Variants in SEM1 observed in about 807,000 individuals in gnomAD.
SEM1 encodes 26S proteasome complex subunit SEM1.
A neutral mutation model predicts 12.7 loss-of-function variants in SEM1; 3 were observed. The observed-to-expected ratio is 0.24, with a 90% CI of 0.11 to 0.61. The LOEUF (loss-of-function observed/expected upper bound fraction) is 0.61. Ranked by LOEUF, SEM1 falls within the 20% of genes least tolerant of loss-of-function variation. SEM1 has a pLI of 0.88. For missense variants in SEM1, 59 were observed against 81.3 expected, an observed-to-expected ratio of 0.73 and a Z score of 1.06; for synonymous variants, 30 against 27.8, an observed-to-expected ratio of 1.08 and a Z score of -0.25.
chr7:96,488,992 G>C (rs1164176664), intron 1 of SEM1, among the ~76,000 whole-genome samples: 1 of 152,128 alleles, frequency 6.6e-6, no homozygotes, highest in East Asian at 1.9e-4. Context: ...CAATCTTAAT[G>C]TAGAGTCTGG....
intron 2 of SEM1, among the ~76,000 whole-genome samples, chr7:96,544,634 AC>A (rs1805052548): frequency 6.6e-6 from 1 of 151,996 alleles, no homozygotes; most frequent in African/African-American, 2.4e-5. Context: ...TCCACACATA[AC>A]TTTTGACCCT....
chr7:96,610,037 T>C (rs1036203002), intron 2 of SEM1, among the ~76,000 whole-genome samples: 2 of 151,764 alleles, frequency 1.3e-5, no homozygotes, highest in African/African-American at 4.8e-5. Flanking sequence ...AATTGTGAAA[T>C]TGAGAAAGAA....
chr7:96,663,074 T>C (rs1789061464), intron 2 of SEM1, among the ~76,000 whole-genome samples: 1 of 151,812 alleles, frequency 6.6e-6, no homozygotes, highest in South Asian at 2.1e-4. Context: ...TAAGAAAGAC[T>C]CTATTAGAGA....
intron 3 of SEM1, chr7:96,484,767 C>G (rs1167491812): frequency 9.0e-7 from 1 of 1,106,232 alleles, no homozygotes; most frequent in Non-Finnish European, 1.2e-6. Context: ...CCTTAAAAAT[C>G]CTCTCACCAT....
rs536016336 is a variant in SEM1, at chr7:96,565,750, G to A, written c.171-59052C>T. Among the ~76,000 whole-genome samples the A allele has an allele frequency of 2.6e-5, 4 of 151,916 alleles. No individual in the cohort carries two copies. In the South Asian group the frequency reaches 8.3e-4, roughly 32 times the overall value. Reference sequence around the variant, plus strand: ...TTAAAACCCTAGCTCTGTCAGAGATGCTTGTTAAAAACAAAGGTGTCACAA... The same window carrying A: ...TTAAAACCCTAGCTCTGTCAGAGATACTTGTTAAAAACAAAGGTGTCACAA... On this transcript the variant is annotated intron_variant and NMD_transcript_variant, in intron 2 of 3. Transcript: ENST00000466986.
chr7:96,500,923 T>C (rs1402878181), upstream of SEM1, among the ~76,000 whole-genome samples: 3 of 152,148 alleles, frequency 2.0e-5, no homozygotes. Context: ...CTGGATCTTG[T>C]TCTTACTCCT....
chr7:96,693,668 G>A (rs1343498251), intron 2 of SEM1, among the ~76,000 whole-genome samples: 2 of 151,876 alleles, frequency 1.3e-5, no homozygotes, highest in East Asian at 3.8e-4. Flanking sequence ...GAACGCTAGT[G>A]AGAACATAAA....
intron 2 of SEM1, among the ~76,000 whole-genome samples, chr7:96,595,154 C>T (rs1226833218): frequency 1.3e-5 from 2 of 152,018 alleles, no homozygotes; most frequent in Non-Finnish European, 2.9e-5. Flanking sequence ...TTTTCTCAAA[C>T]TAGGTAATAT....
upstream of SEM1, among the ~76,000 whole-genome samples, chr7:96,499,105 G>C (rs1377351441): frequency 6.6e-6 from 1 of 152,090 alleles, no homozygotes; most frequent in African/African-American, 2.4e-5. Flanking sequence ...GTTCTCAAGA[G>C]TACCTTAACT....
At chr7:96,536,645 G>GAAT (rs1563051029) in intron 2 of SEM1, among the ~76,000 whole-genome samples, 1 of 151,710 alleles carries the variant, frequency 6.6e-6, no homozygotes, top group African/African-American at 2.4e-5. Flanking sequence ...TTAGAGAACT[G>GAAT]AATAATTTTT....
At chr7:96,628,234 T>G (rs1808134269) in intron 2 of SEM1, among the ~76,000 whole-genome samples, 1 of 152,112 alleles carries the variant, frequency 6.6e-6, no homozygotes, top group Admixed American at 6.5e-5. Context: ...TCAATTTACA[T>G]TCAATGTAAT....
chr7:96,571,770 C>G (rs1806037933), intron 2 of SEM1, among the ~76,000 whole-genome samples: 2 of 151,940 alleles, frequency 1.3e-5, no homozygotes, highest in Admixed American at 1.3e-4. Context: ...TTTGTTGTGT[C>G]TGTGCCAGGT....
chr7:96,602,999 A>G (rs1265323049), intron 2 of SEM1, among the ~76,000 whole-genome samples: 3 of 152,214 alleles, frequency 2.0e-5, no homozygotes, highest in Non-Finnish European at 2.9e-5. Context: ...GGCATCAATC[A>G]TGATTACTGT....
chr7:96,632,592 T>C (rs1808298439), intron 2 of SEM1, among the ~76,000 whole-genome samples: 1 of 151,932 alleles, frequency 6.6e-6, no homozygotes, highest in Non-Finnish European at 1.5e-5. Context: ...TTAGGAGAAA[T>C]ACCTAATGCA....
At chr7:96,635,533 G>C (rs1031276157) in intron 2 of SEM1, among the ~76,000 whole-genome samples, 1 of 152,160 alleles carries the variant, frequency 6.6e-6, no homozygotes, top group African/African-American at 2.4e-5. Context: ...AGCTGGGGTG[G>C]CTGGAGAAAA....
intron 2 of SEM1, among the ~76,000 whole-genome samples, chr7:96,647,116 ACT>A: frequency 6.6e-6 from 1 of 152,208 alleles, no homozygotes; most frequent in South Asian, 2.1e-4. Flanking sequence ...CACCTCCCTA[ACT>A]CTGTTTCCAT....
chr7:96,555,697 C>A (rs1490735932), intron 2 of SEM1, among the ~76,000 whole-genome samples: 1 of 144,176 alleles, frequency 6.9e-6, no homozygotes, highest in South Asian at 2.3e-4. Flanking sequence ...CTGTAGATGT[C>A]TATTAGGTCC....
chr7:96,484,872 C>T (rs1437335837), intron 2 of SEM1: 3 of 1,286,636 alleles, frequency 2.3e-6, no homozygotes, highest in East Asian at 1.1e-4. Flanking sequence ...TATTAGATTT[C>T]ATGATTCAAG....
intron 2 of SEM1, among the ~76,000 whole-genome samples, chr7:96,601,040 T>C (rs966652194): frequency 1.1e-4 from 17 of 152,348 alleles, no homozygotes; most frequent in African/African-American, 3.8e-4. Flanking sequence ...AAGGGGCTGC[T>C]CTGCTTCTCA....
Sources: allele counts gnomAD v4.1 joint callset (sites outside exome capture counted in the v4.1 genomes callset), GRCh38; gene constraint gnomAD v4.1.1; transcripts MANE v1.5; gene names NCBI Gene and HGNC (gene_info 2026-07-23, HGNC 2026-07-21).